EXOC4: variants seen among roughly 807,000 people sequenced by gnomAD.
EXOC4 encodes the protein exocyst complex component 4.
Under a neutral mutation model 107.2 loss-of-function variants are expected in EXOC4, and 71 were observed. The ratio of observed to expected loss-of-function variants is 0.66; its 90% CI spans 0.55 to 0.81. The LOEUF is 0.81. Ranked by LOEUF, EXOC4 falls within the 30% of genes least tolerant of loss-of-function variation. EXOC4 has a pLI of 0.00. For missense variants in EXOC4, 1,108 were observed against 1,189.6 expected (o/e 0.93, Z 1.01); for synonymous variants, 456 against 441.2 (o/e 1.03, Z -0.42).
intron 10 of EXOC4, among the ~76,000 whole-genome samples, chr7:133,702,565 A>C (rs1049486767): frequency 5.3e-5 from 8 of 150,726 alleles, no homozygotes; most frequent in African/African-American, 2.0e-4. Context: ...GGTTCAGATG[A>C]TCCTCCTGCC....
chr7:133,340,423 CTTTTTTTTT>C (rs200341512), intron 5 of EXOC4, among the ~76,000 whole-genome samples: 1 of 129,558 alleles, frequency 7.7e-6, no homozygotes, highest in Admixed American at 7.7e-5. Context: ...TAGTATTTTT[CTTTTTTTTT>C]TTTTTTTGAG....
chr7:134,064,507 C>T lies in EXOC4; in HGVS notation c.2904C>T (p.Asp968=), dbSNP rs150754516. ...EQAAIKQATK[D]KKITTV ...CTGCCATCAAGCAAGCCACCAAGGACAAGAAGATAACTACCGTTTAGCAGG... is the reference window on the plus strand; with the variant it reads ...CTGCCATCAAGCAAGCCACCAAGGATAAGAAGATAACTACCGTTTAGCAGG... The change falls in exon 18 of 18, where the codon GAC becomes GAT. Residue 968 remains aspartate, a synonymous_variant. Coordinates refer to ENST00000253861, the MANE Select transcript of EXOC4 (RefSeq NM_021807.4). 4.9e-5 allele frequency: 79 copies of T among 1,603,624 alleles called. No homozygotes were observed. The African/African-American group carries it at 7.8e-4, about 16-fold the overall frequency.
At chr7:133,659,455 A>G (rs1460832996) in intron 10 of EXOC4, among the ~76,000 whole-genome samples, 2 of 152,156 alleles carry the variant, frequency 1.3e-5, no homozygotes, top group African/African-American at 4.8e-5. Context: ...GGGAAAAATT[A>G]CTGGTTTTAT....
intron 1 of EXOC4, among the ~76,000 whole-genome samples, chr7:133,261,035 A>G (rs1483387225): frequency 6.6e-6 from 1 of 152,128 alleles, no homozygotes; most frequent in Non-Finnish European, 1.5e-5. Flanking sequence ...CTTAGATTAT[A>G]CTTTTCAATC....
chr7:133,881,443 T>C (rs1482946884), intron 11 of EXOC4, among the ~76,000 whole-genome samples: 4 of 152,186 alleles, frequency 2.6e-5, no homozygotes, highest in African/African-American at 9.7e-5. Context: ...AATTCAGTTA[T>C]ACATTCTTCC....
intron 17 of EXOC4, among the ~76,000 whole-genome samples, chr7:134,057,756 C>G (rs1795964784): frequency 6.6e-6 from 1 of 152,034 alleles, no homozygotes; most frequent in Non-Finnish European, 1.5e-5. Flanking sequence ...ATGGGAGCCC[C>G]ATGATTTTGA....
chr7:134,023,853 G>A (rs1275476624), intron 17 of EXOC4, among the ~76,000 whole-genome samples: 2 of 152,156 alleles, frequency 1.3e-5, no homozygotes, highest in Non-Finnish European at 2.9e-5. Flanking sequence ...TAGTCGACCT[G>A]CAGGGTAAAA....
At chr7:133,418,570 G>T (rs1395622367) in intron 7 of EXOC4, among the ~76,000 whole-genome samples, 4 of 152,162 alleles carry the variant, frequency 2.6e-5, no homozygotes, top group African/African-American at 9.7e-5. Flanking sequence ...TGGGGTAAGG[G>T]TGAGGACCAC....
At chr7:133,287,937 A>G (rs1341394951) in intron 2 of EXOC4, among the ~76,000 whole-genome samples, 1 of 152,184 alleles carries the variant, frequency 6.6e-6, no homozygotes, top group Non-Finnish European at 1.5e-5. Context: ...GACATGTCCC[A>G]TGTATTGATG....
chr7:133,757,469 A>G (rs1036495979), intron 10 of EXOC4, among the ~76,000 whole-genome samples: 6 of 152,214 alleles, frequency 3.9e-5, no homozygotes, highest in African/African-American at 1.4e-4. Context: ...GGAATGTTAG[A>G]CAGCCCTTTT....
At chr7:133,697,532 A>G (rs1255278351) in intron 10 of EXOC4, among the ~76,000 whole-genome samples, 1 of 152,248 alleles carries the variant, frequency 6.6e-6, no homozygotes, top group Non-Finnish European at 1.5e-5. Context: ...TCCCTTAATT[A>G]AAAGCAATGT....
chr7:133,689,462 A>G (rs1208466198), intron 10 of EXOC4, among the ~76,000 whole-genome samples: 1 of 152,216 alleles, frequency 6.6e-6, no homozygotes, highest in Non-Finnish European at 1.5e-5. Flanking sequence ...AGCCAAGGAT[A>G]TGGATGTGGC....
intron 9 of EXOC4, among the ~76,000 whole-genome samples, chr7:133,627,256 A>G (rs1408465386): frequency 1.3e-5 from 2 of 152,104 alleles, no homozygotes; most frequent in African/African-American, 4.8e-5. Context: ...GGGGAGAGGG[A>G]CCTCCAGATG....
rs564949865 is a variant in EXOC4, at chr7:133,549,392, C to G, written c.1417+69254C>G. Among the ~76,000 whole-genome samples, 4 of 152,120 alleles carry G rather than the reference C, an allele frequency of 2.6e-5. No homozygotes were observed. The South Asian group carries it at 6.2e-4, about 24-fold the overall frequency. On this transcript the variant is annotated intron_variant, in intron 9 of 17. Transcript: ENST00000253861. The stretch of plus-strand genomic sequence containing the variant: ...TGGTATATTTTCAAAATTGTTATGT[C>G]TCTGTGAATTGGGAAGCCGGAGGAG...
At chr7:134,005,283 G>A (rs570215040) in intron 16 of EXOC4, among the ~76,000 whole-genome samples, 193 bp downstream of exon 16, 5 of 152,136 alleles carry the variant, frequency 3.3e-5, no homozygotes, top group Non-Finnish European at 7.3e-5. Flanking sequence ...CATCTGCTCC[G>A]GGTTGATAAG....
intron 7 of EXOC4, among the ~76,000 whole-genome samples, chr7:133,394,766 A>G (rs1796933670): frequency 6.6e-6 from 1 of 152,290 alleles, no homozygotes; most frequent in South Asian, 2.1e-4. Flanking sequence ...GCCAAATGGG[A>G]AGGCACTAAA....
chr7:133,890,588 A>T (rs1172234145), intron 11 of EXOC4, among the ~76,000 whole-genome samples: 1 of 119,798 alleles, frequency 8.3e-6, no homozygotes, highest in Non-Finnish European at 1.7e-5. Flanking sequence ...TCCATCTTGA[A>T]TTGATTTTTG....
At chr7:133,356,277 TG>T (rs1796018086) in intron 5 of EXOC4, 52 bp from the exon 6 acceptor site, 1 of 1,585,682 alleles carries the variant, frequency 6.3e-7, no homozygotes, top group Non-Finnish European at 8.6e-7. Flanking sequence ...TGCTCTGTTT[TG>T]GGGTTTTTGA....
chr7:133,800,133 T>C, intron 10 of EXOC4, among the ~76,000 whole-genome samples: 1 of 147,176 alleles, frequency 6.8e-6, no homozygotes, highest in East Asian at 2.0e-4. Context: ...GAGTCTCAGC[T>C]TAGCACTCTA....
Sources: gnomAD v4.1 joint callset for allele counts (sites outside exome capture counted in the v4.1 genomes callset) on GRCh38, gnomAD v4.1.1 for gene constraint, MANE v1.5 for transcripts, NCBI Gene and HGNC (gene_info 2026-07-23, HGNC 2026-07-21) for gene names.